Variants in ITGAD observed in about 807,000 individuals in gnomAD.
ITGAD encodes integrin subunit alpha D, also known as integrin alpha-D.
In ITGAD, 105 loss-of-function variants were observed where a neutral mutation model predicts 139.0. The ratio of observed to expected loss-of-function variants is 0.76; its 90% CI spans 0.65 to 0.89. The LOEUF (loss-of-function observed/expected upper bound fraction) is 0.89. Ranked by LOEUF, ITGAD falls within the 40% of genes least tolerant of loss-of-function variation. The probability of loss-of-function intolerance (pLI) is 0.00; values close to 1 mark genes in which losing one functional copy is unlikely to be tolerated. For missense variants in ITGAD, 1,384 were observed against 1,487.3 expected (o/e 0.93, Z 1.14); for synonymous variants, 569 against 598.3 (o/e 0.95, Z 0.71).
At chr16:31,415,643 T>C (rs1276409482) in intron 18 of ITGAD, among the ~76,000 whole-genome samples, 1 of 152,188 alleles carries the variant, frequency 6.6e-6, no homozygotes, top group Non-Finnish European at 1.5e-5. Flanking sequence ...TGTGCCTTTG[T>C]CCCTGTTTCG....
intron 29 of ITGAD, 109 bp downstream of exon 29, chr16:31,424,686 C>A (rs1260097229): frequency 3.1e-6 from 2 of 646,558 alleles, no homozygotes; most frequent in Non-Finnish European, 5.1e-6. Context: ...CAACCTCCAC[C>A]TCCCGGGTTC....
At position 31,403,657 on chromosome 16, in the gene ITGAD, C is replaced by G; in HGVS notation, c.704+12C>G. On this transcript the variant is annotated intron_variant, in intron 7 of 29. Coordinates refer to ENST00000389202, the MANE Select transcript of ITGAD (RefSeq NM_005353.3). This position sits in a 1 kb window ranked among gnomAD's most constrained non-coding sequence, Gnocchi z 4.4. The stretch of plus-strand genomic sequence containing the variant: ...ATCCTGACAGTGGTGTAAGCAACCC[C>G]GACCCCAGCCTGGCGATGTGACTGC... The G allele has an allele frequency of 6.2e-7, 1 of 1,614,046 alleles. No individual in the cohort carries two copies. The highest frequency in any genetic ancestry group is 1.1e-5 in the South Asian group (1 of 91,072).
chr16:31,424,540 T>C lies in ITGAD; in HGVS notation c.3335T>C (p.Leu1112Pro), dbSNP rs1397101248. 3 of 1,613,586 alleles carry C rather than the reference T, an allele frequency of 1.9e-6. No individual in the cohort carries two copies. The African/African-American group carries it at 4.0e-5, about 22-fold the overall frequency. Residue 1112 changes from leucine (L) to proline (P), a missense_variant, in exon 29 of 30, where the codon CTG becomes CCG. Coordinates refer to ENST00000389202, the MANE Select transcript of ITGAD (RefSeq NM_005353.3). ...PIIMGSSVGALLLLALITATL... is the reference protein window; with the variant it reads ...PIIMGSSVGAPLLLALITATL... ...ATCATGGGCAGCTCTGTGGGGGCTC[T>C]GCTACTGCTGGCGCTCATCACAGCC... is the stretch of plus-strand genomic sequence containing the variant.
chr16:31,405,472 A>G (rs2081514572), intron 7 of ITGAD, among the ~76,000 whole-genome samples: 1 of 152,162 alleles, frequency 6.6e-6, no homozygotes, highest in African/African-American at 2.4e-5. Context: ...TAGTAACATC[A>G]AGGGATACTT....
Position 31,397,779 on chromosome 16 carries a change from A to G in ITGAD, c.313-16A>G. 3.1e-6 allele frequency: 5 copies of G among 1,609,796 alleles called. No individual in the cohort carries two copies. Among genetic ancestry groups the G allele is most frequent in the Non-Finnish European group, 4.2e-6 (5 of 1,177,082 alleles). On this transcript the variant is annotated splice_polypyrimidine_tract_variant and intron_variant, in intron 4 of 29. Coordinates refer to ENST00000389202, the MANE Select transcript of ITGAD (RefSeq NM_005353.3). ...GGGCTGCTAGGGACTCCTGGCTCAC[A>G]GGCTTCTGCCTCCAGGCCTGTGGCC...
At position 31,419,402 on chromosome 16, in the gene ITGAD, A is replaced by G. The variant is rs147235832; in HGVS notation, c.2780+838A>G. Among the ~76,000 whole-genome samples, 206 of 152,248 alleles carry G rather than the reference A, an allele frequency of 1.4e-3. 2 individuals are homozygous for G. In the East Asian group the frequency reaches 0.035, roughly 26 times the overall value. On this transcript the variant is annotated intron_variant, in intron 23 of 29. Transcript: ENST00000389202. The stretch of plus-strand genomic sequence containing the variant: ...TGCCTACAATATCCAGTACAGTAAC[A>G]CGCTGCATGGGTTTGTAGCCCAGGA...
intron 29 of ITGAD, 80 bp downstream of exon 29, chr16:31,424,657 G>C: frequency 1.1e-6 from 1 of 941,978 alleles, no homozygotes; most frequent in Non-Finnish European, 1.6e-6. Context: ...GAGTGCAATG[G>C]CATGATCTTG....
intron 5 of ITGAD, among the ~76,000 whole-genome samples, chr16:31,399,960 C>T (rs1237323812): frequency 2.0e-5 from 3 of 152,214 alleles, no homozygotes; most frequent in Non-Finnish European, 2.9e-5. Context: ...CTTGAGCCAT[C>T]CTTGCCTGAT....
intron 2 of ITGAD, among the ~76,000 whole-genome samples, chr16:31,397,069 T>TG (rs2081281334): frequency 1.3e-5 from 1 of 75,650 alleles, no homozygotes; most frequent in Non-Finnish European, 4.2e-5. Flanking sequence ...TAGGTTTTTT[T>TG]TTTTTTTTTT....
rs537718814 is a variant in ITGAD at position 31,411,195 on chromosome 16, C to T, written c.1476C>T (p.Ser492=). The T allele has an allele frequency of 1.2e-5, 19 of 1,613,600 alleles. No homozygotes were observed. Among genetic ancestry groups the T allele is most frequent in the South Asian group, 1.1e-4 (10 of 91,080 alleles). ...YYEQTRGGQV[S]VCPLPRGRVQ... is the part of the protein sequence containing the mutation. ...AGCAGACCCGAGGGGGCCAGGTGTC[C>T]GTGTGTCCCTTGCCTAGGGGGGTGA... Residue 492 remains serine (S), a synonymous_variant, in exon 13 of 30, where the codon TCC becomes TCT. Coordinates refer to ENST00000389202, the MANE Select transcript of ITGAD (RefSeq NM_005353.3).
chr16:31,407,363 A>C, intron 7 of ITGAD, 152 bp from the exon 8 acceptor site: 1 of 727,582 alleles, frequency 1.4e-6, no homozygotes, highest in East Asian at 2.6e-5. Flanking sequence ...CTCAAAAGAA[A>C]ACCCAAAACG....
intron 12 of ITGAD, 90 bp downstream of exon 12, chr16:31,410,968 C>T: frequency 6.3e-7 from 1 of 1,594,812 alleles, no homozygotes; most frequent in Non-Finnish European, 8.5e-7. Flanking sequence ...GATGGAGGGG[C>T]TTTGGGGGCC....
Position 31,426,419 on chromosome 16 carries a change from A to T in ITGAD, c.*291A>T. The T allele has an allele frequency of 3.3e-6, 1 of 304,344 alleles. No individual in the cohort carries two copies. Among genetic ancestry groups the T allele is most frequent in the Non-Finnish European group, 6.3e-6 (1 of 159,320 alleles). 18.9% of individuals were successfully genotyped at this position (304,344 alleles called of 1,614,324 possible). ...TTTATAGCACACTTTCCTTGCGTGG[A>T]AGAGCTATAACCCAGGGACCTGAGT... On this transcript the variant is annotated 3_prime_UTR_variant, in exon 30 of 30. Coordinates refer to ENST00000389202, the MANE Select transcript of ITGAD (RefSeq NM_005353.3).
chr16:31,396,052 C>T (rs2081257009), intron 2 of ITGAD, among the ~76,000 whole-genome samples: 1 of 152,190 alleles, frequency 6.6e-6, no homozygotes, highest in Non-Finnish European at 1.5e-5. Flanking sequence ...CCACCTAGGT[C>T]AGCTGCTCCA....
intron 2 of ITGAD, among the ~76,000 whole-genome samples, chr16:31,395,000 T>G (rs1387920063): frequency 6.6e-6 from 1 of 152,182 alleles, no homozygotes; most frequent in Non-Finnish European, 1.5e-5. Context: ...ATTTTATCTG[T>G]GCATTTGTGT....
intron 25 of ITGAD, 50 bp from the exon 26 acceptor site, chr16:31,423,521 C>T: frequency 6.3e-7 from 1 of 1,597,292 alleles, no homozygotes; most frequent in Non-Finnish European, 8.6e-7. Context: ...CTCCCTCTTA[C>T]CAGGGACATG....
intron 2 of ITGAD, among the ~76,000 whole-genome samples, chr16:31,397,062 GTTTTTTTTT>G (rs539015704): frequency 9.9e-6 from 1 of 100,822 alleles, no homozygotes; most frequent in Non-Finnish European, 1.8e-5. Context: ...CTTTAAATAG[GTTTTTTTTT>G]TTTTTTTTTT....
chr16:31,417,459 T>C (rs1232821379), intron 20 of ITGAD, among the ~76,000 whole-genome samples: 1 of 151,964 alleles, frequency 6.6e-6, no homozygotes, highest in Non-Finnish European at 1.5e-5. Flanking sequence ...AAAAGCTTCA[T>C]GGTTTTGCTT....
At chr16:31,417,603 AT>A (rs1691529810) in intron 20 of ITGAD, among the ~76,000 whole-genome samples, 1 of 151,186 alleles carries the variant, frequency 6.6e-6, no homozygotes, top group Non-Finnish European at 1.5e-5. Context: ...TTTTTAAAAA[AT>A]TTTTTGTATG....
Sources: gnomAD v4.1 joint callset for allele counts (sites outside exome capture counted in the v4.1 genomes callset) on GRCh38, gnomAD v4.1.1 for gene constraint, Gnocchi (gnomAD v3.1) non-coding constraint, MANE v1.5 for transcripts, NCBI Gene and HGNC (gene_info 2026-07-23, HGNC 2026-07-21) for gene names.